Variants in PDK1 observed in about 807,000 individuals in gnomAD.
The protein encoded by PDK1 is [Pyruvate dehydrogenase (acetyl-transferring)] kinase isozyme 1, mitochondrial.
Under a neutral mutation model 54.2 loss-of-function variants are expected in PDK1, and 39 were observed. The ratio of observed to expected loss-of-function variants is 0.72; its 90% confidence interval spans 0.56 to 0.94. PDK1 has a LOEUF of 0.94. PDK1 is among the 40% of genes least tolerant of loss of function. The pLI is 0.00. For missense variants in PDK1, 552 were observed against 566.0 expected, an observed-to-expected ratio of 0.98 and a Z score of 0.25; for synonymous variants, 221 against 207.1, an observed-to-expected ratio of 1.07 and a Z score of -0.58.
the PDK1 span, among the ~76,000 whole-genome samples, chr2:172,630,692 C>T: frequency 8.0e-5 from 12 of 150,780 alleles, no homozygotes; most frequent in African/African-American, 1.2e-4. Context: ...TACAGTGGTG[C>T]GATCTCGGTT....
chr2:172,612,457 C>T (rs992311713), downstream of PDK1, among the ~76,000 whole-genome samples: 4 of 151,904 alleles, frequency 2.6e-5, no homozygotes, highest in African/African-American at 9.7e-5. Context: ...AGGTTTTTTA[C>T]ATTGATTAGA....
chr2:172,669,249 C>CG, the PDK1 span, among the ~76,000 whole-genome samples: 19,094 of 151,418 alleles, frequency 0.13, 1,321 homozygotes, highest in South Asian at 0.22. Flanking sequence ...TTAGTAGAGA[C>CG]GGGGTTTCAC....
At chr2:172,686,717 A>G in the PDK1 span, among the ~76,000 whole-genome samples, 1 of 152,186 alleles carries the variant, frequency 6.6e-6, no homozygotes, top group Non-Finnish European at 1.5e-5. Context: ...CACCTTTAAG[A>G]GCTGTAACAT....
intron 8 of PDK1, among the ~76,000 whole-genome samples, chr2:172,585,173 A>AT (rs1690148924): frequency 6.7e-6 from 1 of 150,110 alleles, no homozygotes; most frequent in South Asian, 2.1e-4. Context: ...ATTTTAGAAA[A>AT]TTTTTTGTAG....
At chr2:172,700,265 GT>G in the PDK1 span, among the ~76,000 whole-genome samples, 1 of 152,092 alleles carries the variant, frequency 6.6e-6, no homozygotes, top group Non-Finnish European at 1.5e-5. Context: ...TCAATGAGCT[GT>G]TGGGTACACC....
the PDK1 span, among the ~76,000 whole-genome samples, chr2:172,709,032 TTCTC>T: frequency 1.3e-5 from 2 of 151,042 alleles, no homozygotes; most frequent in Non-Finnish European, 3.0e-5. Flanking sequence ...GATTTGTTGT[TTCTC>T]TCTCTCTCTC....
chr2:172,650,694 A>T, the PDK1 span, among the ~76,000 whole-genome samples: 1 of 152,210 alleles, frequency 6.6e-6, no homozygotes, highest in Non-Finnish European at 1.5e-5. Context: ...GTCTCTGATA[A>T]AACAGACTTT....
the PDK1 span, among the ~76,000 whole-genome samples, chr2:172,642,399 T>A: frequency 6.6e-6 from 1 of 152,130 alleles, no homozygotes; most frequent in African/African-American, 2.4e-5. Context: ...GCTGTGAGTA[T>A]GGTGTAGGAG....
At chr2:172,668,940 A>AGAG in the PDK1 span, among the ~76,000 whole-genome samples, 3 of 107,556 alleles carry the variant, frequency 2.8e-5, no homozygotes, top group Non-Finnish European at 4.1e-5. Flanking sequence ...GAGAGAGAGA[A>AGAG]AGAGAGAGAG....
chr2:172,614,505 G>T, the PDK1 span, among the ~76,000 whole-genome samples: 2 of 152,196 alleles, frequency 1.3e-5, no homozygotes, highest in Non-Finnish European at 1.5e-5. Context: ...GATGATGGGC[G>T]ACCACCTTCA....
chr2:172,579,364 G>A (rs1381459301), intron 8 of PDK1, among the ~76,000 whole-genome samples: 1 of 152,012 alleles, frequency 6.6e-6, no homozygotes, highest in African/African-American at 2.4e-5. Context: ...GGAGGGAGGG[G>A]GAGCAGATGG....
chr2:172,656,660 G>A, the PDK1 span, among the ~76,000 whole-genome samples: 1 of 152,150 alleles, frequency 6.6e-6, no homozygotes, highest in South Asian at 2.1e-4. Flanking sequence ...TGTAATCCCA[G>A]CACTTTGGGA....
At chr2:172,650,724 G>A in the PDK1 span, among the ~76,000 whole-genome samples, 1 of 152,018 alleles carries the variant, frequency 6.6e-6, no homozygotes. Context: ...AAGATCAAAA[G>A]GGACAAAGAA....
At chr2:172,629,613 G>A in the PDK1 span, among the ~76,000 whole-genome samples, 1 of 152,124 alleles carries the variant, frequency 6.6e-6, no homozygotes, top group Admixed American at 6.5e-5. Flanking sequence ...CAATTTGTTC[G>A]TGTGACCTGA....
At chr2:172,657,930 G>A in the PDK1 span, among the ~76,000 whole-genome samples, 1 of 152,168 alleles carries the variant, frequency 6.6e-6, no homozygotes, top group Non-Finnish European at 1.5e-5. Context: ...AGACCCTCAG[G>A]CTGCTTCCAC....
chr2:172,590,931 A>G (rs868372312), intron 9 of PDK1, among the ~76,000 whole-genome samples: 28 of 151,992 alleles, frequency 1.8e-4, no homozygotes, highest in African/African-American at 6.8e-4. Flanking sequence ...TCCCCCCTCT[A>G]AACAGTATAC....
chr2:172,575,103 T>C (rs1169665789), intron 8 of PDK1, among the ~76,000 whole-genome samples: 1 of 152,236 alleles, frequency 6.6e-6, no homozygotes, highest in African/African-American at 2.4e-5. Context: ...GTGCTTTTTC[T>C]GTGAAGATTG....
At chr2:172,645,260 CTTTTTTTTTTT>C in the PDK1 span, among the ~76,000 whole-genome samples, 82 of 51,142 alleles carry the variant, frequency 1.6e-3, 3 homozygotes, top group South Asian at 0.035. Flanking sequence ...ACAAAATAGG[CTTTTTTTTTTT>C]TTTTTTTTTT....
the PDK1 span, among the ~76,000 whole-genome samples, chr2:172,684,204 T>G: frequency 5.3e-5 from 8 of 152,302 alleles, no homozygotes; most frequent in Non-Finnish European, 1.0e-4. Context: ...GTGGATTGCT[T>G]GAGCTCAGGA....
Sources: gnomAD v4.1 joint callset for allele counts (sites outside exome capture counted in the v4.1 genomes callset) on GRCh38, gnomAD v4.1.1 for gene constraint, MANE v1.5 for transcripts, NCBI Gene and HGNC (gene_info 2026-07-23, HGNC 2026-07-21) for gene names.